The following DNAH10 variants were observed in gnomAD, a reference collection of about 807,000 sequenced individuals.
The protein encoded by DNAH10 is axonemal beta dynein heavy chain 10.
DNAH10 carries 348 observed loss-of-function variants against 506.6 expected under a neutral mutation model. The observed-to-expected ratio is 0.69, with a 90% CI of 0.63 to 0.75. DNAH10 has a LOEUF of 0.75. DNAH10 is among the 30% of genes least tolerant of loss of function. The pLI is 0.00. For missense variants in DNAH10, 5,179 were observed against 5,787.1 expected (o/e 0.89, Z 3.41); for synonymous variants, 2,059 against 2,198.6 (o/e 0.94, Z 1.78).
intron 21 of DNAH10, among the ~76,000 whole-genome samples, chr12:123,817,270 C>G (rs1959169063): frequency 6.6e-6 from 1 of 150,946 alleles, no homozygotes. Flanking sequence ...ATGTCTTTAC[C>G]TAGTTTTGGA....
intron 43 of DNAH10, 30 bp from the exon 44 acceptor site, chr12:123,870,336 T>G (rs759777090): frequency 6.2e-7 from 1 of 1,604,606 alleles, no homozygotes; most frequent in African/African-American, 1.3e-5. Context: ...TGTTTATGAT[T>G]CAAGTGAAAT....
chr12:123,801,194 C>T lies in DNAH10; in HGVS notation c.2463-87C>T, dbSNP rs116729292. On this transcript the variant is annotated intron_variant, in intron 15 of 78. Coordinates refer to ENST00000673944, the MANE Select transcript of DNAH10 (RefSeq NM_001372106.1). ...TCAAGGTTGGTCTTGATTGAGACCA[C>T]GGTCTTTTGTAATCTCTTGACCGCA... 1,791 of 1,411,988 alleles carry T rather than the reference C, an allele frequency of 1.3e-3. 34 individuals are homozygous for T. In the African/African-American group the frequency reaches 0.022, roughly 17 times the overall value. The allele number at this position is 1,411,988 out of a possible 1,614,324, so 87.5% of individuals were successfully genotyped here. A position where few individuals can be genotyped will look rare whatever the true frequency, so the allele number is the denominator to read the frequency against.
chr12:123,854,973 G>T (rs552074923), intron 36 of DNAH10, among the ~76,000 whole-genome samples: 2 of 152,314 alleles, frequency 1.3e-5, no homozygotes, highest in East Asian at 3.9e-4. Flanking sequence ...AAAAGGTAAA[G>T]AATTCACAAA....
At position 123,762,545 on chromosome 12, in the gene DNAH10, A is replaced by G; in HGVS notation, c.209A>G (p.Glu70Gly). ...ATGGTGCCGGAGGAGGTGGAGGTGG[A>G]GATTGGTGAGCCTCGACGCGCCGCT... is the stretch of plus-strand genomic sequence containing the variant. ...RTMVPEEVEVEIDEIPVLSEE... is the reference protein window; with the variant it reads ...RTMVPEEVEVGIDEIPVLSEE... Residue 70 changes from glutamate to glycine, a missense_variant, in exon 1 of 79, where the codon GAG becomes GGG. By Grantham distance (98) the Glu-to-Gly change is moderately conservative. Transcript: ENST00000673944. The surrounding 1 kb of genome is among the most constrained non-coding windows in gnomAD (Gnocchi z 5.0). The G allele has an allele frequency of 6.4e-7, 1 of 1,555,554 alleles. No individual in the cohort carries two copies. Among genetic ancestry groups the G allele is most frequent in the Non-Finnish European group, 8.7e-7 (1 of 1,151,254 alleles).
At chr12:123,819,306 T>C (rs1224404275) in intron 23 of DNAH10, 56 bp downstream of exon 23, 11 of 1,371,788 alleles carry the variant, frequency 8.0e-6, no homozygotes, top group Non-Finnish European at 1.1e-5. Context: ...TGTTTGAGTA[T>C]GTTTTGCTTA....
At chr12:123,870,213 C>T (rs1047261100) in intron 43 of DNAH10, among the ~76,000 whole-genome samples, 153 bp from the exon 44 acceptor site, 4 of 152,214 alleles carry the variant, frequency 2.6e-5, no homozygotes, top group Non-Finnish European at 4.4e-5. Flanking sequence ...GTTCAAGGTA[C>T]TCGGTATCTG....
rs1365274838 is a variant in DNAH10 at position 123,835,514 on chromosome 12, A to G, written c.4888A>G (p.Lys1630Glu). 1.2e-6 allele frequency: 2 copies of G among 1,607,518 alleles called. No individual in the cohort carries two copies. Among genetic ancestry groups the G allele is most frequent in the Non-Finnish European group, 1.7e-6 (2 of 1,176,704 alleles). ...EEAKKFDNID[K>E]VFKRIMGETL... is the part of the protein sequence containing the mutation. ...GGCAAAAAAGTTTGACAACATCGAT[A>G]AAGTATTTAAAAGGGCAAGTGACTC... is the stretch of plus-strand genomic sequence containing the variant. The change falls in exon 28 of 79, where the codon AAA becomes GAA. Residue 1630 changes from lysine to glutamate, a missense_variant. This residue lies in a region of DNAH10 where 4,844 missense variants were observed against 5,430.5 expected (regional missense o/e 0.89). Transcript: ENST00000673944.
chr12:123,822,601 T>C (rs1164299994), intron 24 of DNAH10, among the ~76,000 whole-genome samples: 1 of 152,240 alleles, frequency 6.6e-6, no homozygotes, highest in Non-Finnish European at 1.5e-5. Context: ...TTCTAATCTA[T>C]ATCTAATGTA....
intron 36 of DNAH10, among the ~76,000 whole-genome samples, chr12:123,855,383 G>A (rs1339833381): frequency 1.3e-5 from 2 of 152,238 alleles, no homozygotes; most frequent in Middle Eastern, 3.4e-3. Context: ...CACTTTCGGA[G>A]GCTGAGGTGG....
intron 24 of DNAH10, among the ~76,000 whole-genome samples, chr12:123,823,093 C>T (rs1211873515): frequency 6.6e-6 from 1 of 152,196 alleles, no homozygotes; most frequent in Non-Finnish European, 1.5e-5. Context: ...GAGAGTGGCC[C>T]ACTGGCCCAG....
rs1415825195 is a variant in DNAH10, at chr12:123,851,036, G to C, written c.6251G>C (p.Cys2084Ser). The change falls in exon 35 of 79, where the codon TGT (cysteine) becomes TCT (serine). Residue 2084 changes from cysteine to serine, a missense_variant. Transcript: ENST00000673944. ...VVIVPDLQQI[C>S]EIMLFSEGFL... is the part of the protein sequence containing the mutation. The stretch of plus-strand genomic sequence containing the variant: ...ATCGTGCCCGACCTGCAGCAGATCT[G>C]TGAGATCATGCTCTTCTCTGAGGGC... 2.5e-6 allele frequency: 4 copies of C among 1,612,954 alleles called. No homozygotes were observed. Among genetic ancestry groups the C allele is most frequent in the Non-Finnish European group, 3.4e-6 (4 of 1,179,338 alleles).
intron 46 of DNAH10, 85 bp from the exon 47 acceptor site, chr12:123,875,146 C>A: frequency 6.8e-7 from 1 of 1,468,198 alleles, no homozygotes; most frequent in Non-Finnish European, 9.1e-7. Context: ...GAAAAATGAG[C>A]TTGAGCTGGG....
At chr12:123,821,976 C>T (rs758334713) in intron 24 of DNAH10, among the ~76,000 whole-genome samples, 39 of 151,768 alleles carry the variant, frequency 2.6e-4, no homozygotes, top group Non-Finnish European at 4.4e-4. Context: ...GGAGGCAAGG[C>T]GGGTGGATCA....
Position 123,813,170 on chromosome 12 carries a change from G to A in DNAH10, c.3151G>A (p.Val1051Ile), listed in dbSNP as rs1235261306. 6.2e-7 allele frequency: 1 copy of A among 1,600,584 alleles called. No individual in the cohort carries two copies. Among genetic ancestry groups the A allele is most frequent in the South Asian group, 1.1e-5 (1 of 89,320 alleles). The change falls in exon 20 of 79, where the codon GTT becomes ATT. Residue 1051 changes from valine (V) to isoleucine (I), a missense_variant. Coordinates refer to ENST00000673944, the MANE Select transcript of DNAH10 (RefSeq NM_001372106.1). ...RNCVEITKHFVRWMNGSCIEC... is the reference protein window; with the variant it reads ...RNCVEITKHFIRWMNGSCIEC... ...CTAATTCTTACTTTGCCAGCATTTT[G>A]TTCGTTGGATGAATGGCAGCTGCAT...
intron 26 of DNAH10, among the ~76,000 whole-genome samples, chr12:123,831,610 A>G (rs1960551863): frequency 6.6e-6 from 1 of 152,140 alleles, no homozygotes; most frequent in Non-Finnish European, 1.5e-5. Flanking sequence ...GGTACAGCCA[A>G]GGCCGGGCAT....
At position 123,857,210 on chromosome 12, in the gene DNAH10, TC is replaced by T; in HGVS notation, c.6595del (p.Leu2199TrpfsTer24). 2 of 1,600,034 alleles carry T rather than the reference TC, an allele frequency of 1.2e-6. No individual in the cohort carries two copies. The highest frequency in any genetic ancestry group is 1.7e-6 in the Non-Finnish European group (2 of 1,172,890). Reference sequence around the variant, plus strand: ...GACTTCAACGATGCGGTAGAGCAGGTCCTGGAGGAGAACGGCTACGCGGTCC... The same window carrying T: ...GACTTCAACGATGCGGTAGAGCAGGTCTGGAGGAGAACGGCTACGCGGTCC... ...YPDFNDAVEQ[V>X]LEENGYAVLP... On this transcript the variant is annotated frameshift_variant, in exon 37 of 79. Coordinates refer to ENST00000673944, the MANE Select transcript of DNAH10 (RefSeq NM_001372106.1). LOFTEE classifies it high-confidence loss of function.
Position 123,853,213 on chromosome 12 carries a change from C to T in DNAH10, c.6299C>T (p.Ala2100Val), listed in dbSNP as rs774564007. ...SEGFLEAKTL[A>V]KKMTVLYKLA... ...TTATCTTCTATCAAAAAGACTCTGG[C>T]GAAAAAGATGACGGTTCTGTATAAG... The change falls in exon 36 of 79, where the codon GCG (alanine) becomes GTG (valine). Residue 2100 changes from alanine to valine, a missense_variant. Ala to Val is a moderately conservative substitution (Grantham distance 64). Around this residue, in one of 3 missense-constraint regions of DNAH10, gnomAD observed 4,844 missense variants for 5,430.5 expected, o/e 0.89. Transcript: ENST00000673944. This position sits in a 1 kb window ranked among gnomAD's most constrained non-coding sequence, Gnocchi z 4.7. The T allele has an allele frequency of 1.6e-5, 26 of 1,595,442 alleles. No homozygotes were observed. The highest frequency in any genetic ancestry group is 3.5e-5 in the Admixed American group (2 of 57,232).
rs958116182 is a variant in DNAH10, at chr12:123,881,750, C to T, written c.8760C>T (p.Val2920=). 22 of 1,546,012 alleles carry T rather than the reference C, an allele frequency of 1.4e-5. No individual in the cohort carries two copies. The highest frequency in any genetic ancestry group is 8.3e-5 in the African/African-American group (6 of 72,712). ...IRMDRGHALL[V]GVGGSGKQSL... is the part of the protein sequence containing the mutation. Reference sequence around the variant, plus strand: ...TGGACCGCGGCCACGCCCTGCTGGTCGGGGTAGGGGGCTCAGGGAAGCAGT... The same window carrying T: ...TGGACCGCGGCCACGCCCTGCTGGTTGGGGTAGGGGGCTCAGGGAAGCAGT... The change falls in exon 51 of 79, where the codon GTC becomes GTT. Residue 2920 remains valine (V), a synonymous_variant. Coordinates refer to ENST00000673944, the MANE Select transcript of DNAH10 (RefSeq NM_001372106.1).
intron 5 of DNAH10, among the ~76,000 whole-genome samples, chr12:123,778,718 A>G (rs1448380285): frequency 6.6e-6 from 1 of 152,014 alleles, no homozygotes; most frequent in Non-Finnish European, 1.5e-5. Flanking sequence ...AAAAAAATAT[A>G]TATGTTCAAA....
Sources: gnomAD v4.1 joint callset for allele counts (sites outside exome capture counted in the v4.1 genomes callset) on GRCh38, gnomAD v4.1.1 for gene constraint, gnomAD v4.1.1 regional missense constraint, Gnocchi (gnomAD v3.1) non-coding constraint, MANE v1.5 for transcripts, NCBI Gene and HGNC (gene_info 2026-07-23, HGNC 2026-07-21) for gene names.